Variants in ATF6 observed in about 807,000 individuals in gnomAD.
ATF6 encodes the protein cyclic AMP-dependent transcription factor ATF-6 alpha.
Under a neutral mutation model 83.6 loss-of-function variants are expected in ATF6, and 53 were observed. The observed-to-expected ratio is 0.63, with a 90% CI of 0.51 to 0.80. The LOEUF is 0.80. Ranked by LOEUF, ATF6 falls within the 30% of genes least tolerant of loss-of-function variation. ATF6 has a pLI of 0.00. For missense variants in ATF6, 744 were observed against 797.9 expected, an observed-to-expected ratio of 0.93 and a Z score of 0.81; for synonymous variants, 288 against 285.8, an observed-to-expected ratio of 1.01 and a Z score of -0.08.
chr1:161,898,966 C>A (rs1687730689), intron 14 of ATF6, among the ~76,000 whole-genome samples: 1 of 152,040 alleles, frequency 6.6e-6, no homozygotes, highest in South Asian at 2.1e-4. Context: ...CTAAAGTATT[C>A]TGAATTAAAT....
Position 161,960,366 on chromosome 1 carries a change from CTCT to C in ATF6, c.*1718_*1720del, listed in dbSNP as rs1208274333. On this transcript the variant is annotated 3_prime_UTR_variant, in exon 16 of 16. Coordinates refer to ENST00000367942, the MANE Select transcript of ATF6 (RefSeq NM_007348.4). Reference sequence around the variant, plus strand: ...TGTTCCACACTATAGCAATCAATTTCTCTTCTTCCTTACAAGAAAGGGAACGAG... The same window carrying C: ...TGTTCCACACTATAGCAATCAATTTCTCTTCCTTACAAGAAAGGGAACGAG... 1 of 152,222 alleles carries C rather than the reference CTCT, an allele frequency of 6.6e-6. No homozygotes were observed. The highest frequency in any genetic ancestry group is 1.9e-4 in the East Asian group (1 of 5,196). 9.4% of individuals were successfully genotyped at this position (152,222 alleles called of 1,614,324 possible).
chr1:161,952,165 G>A (rs1479538360), intron 15 of ATF6, among the ~76,000 whole-genome samples: 1 of 152,032 alleles, frequency 6.6e-6, no homozygotes. Context: ...TGGCCCCAGG[G>A]CTCCATCTAT....
At position 161,849,163 on chromosome 1, in the gene ATF6, G is replaced by A. The variant is rs186474230; in HGVS notation, c.1320-2559G>A. 2.4e-3 allele frequency among the ~76,000 whole-genome samples: 364 copies of A among 152,272 alleles called. 3 individuals are homozygous for A. Among genetic ancestry groups the A allele is most frequent in the African/African-American group, 8.4e-3 (348 of 41,558 alleles). ...AGAGGTGTTAAGCAGCCTCCTCTTA[G>A]AGGCATTCAGATTTATCAAACACAA... On this transcript the variant is annotated intron_variant, in intron 10 of 15. Transcript: ENST00000367942.
rs1461967060 is a variant in ATF6 at position 161,807,916 on chromosome 1, G to C, written c.909+5644G>C. Among the ~76,000 whole-genome samples, 6 of 85,970 alleles carry C rather than the reference G, an allele frequency of 7.0e-5. No individual in the cohort carries two copies. The East Asian group carries it at 2.3e-3, about 33-fold the overall frequency. The allele number at this position is 85,970 out of a possible 152,430, so 56.4% of individuals were successfully genotyped here. On this transcript the variant is annotated intron_variant, in intron 7 of 15. Coordinates refer to ENST00000367942, the MANE Select transcript of ATF6 (RefSeq NM_007348.4). Reference sequence around the variant, plus strand: ...TTTTTTTGAGACAAAGTCTTGCTCTGTTGCCCAGGCTGGAGTACAATGGCA... The same window carrying C: ...TTTTTTTGAGACAAAGTCTTGCTCTCTTGCCCAGGCTGGAGTACAATGGCA...
intron 7 of ATF6, among the ~76,000 whole-genome samples, chr1:161,809,647 T>G (rs1685403742): frequency 6.6e-6 from 1 of 152,270 alleles, no homozygotes; most frequent in Non-Finnish European, 1.5e-5. Context: ...TGAACTAGTT[T>G]ACAGTCCTAC....
intron 7 of ATF6, among the ~76,000 whole-genome samples, chr1:161,804,944 G>C (rs1685242506): frequency 6.6e-6 from 1 of 151,662 alleles, no homozygotes; most frequent in Non-Finnish European, 1.5e-5. Context: ...AGACTAATTA[G>C]AAGTTAAAAA....
intron 10 of ATF6, among the ~76,000 whole-genome samples, chr1:161,851,274 A>ACACCC (rs1264016372): frequency 6.9e-6 from 1 of 144,132 alleles, no homozygotes; most frequent in East Asian, 2.0e-4. Flanking sequence ...ACACACACAC[A>ACACCC]CCCCTACCTG....
intron 15 of ATF6, among the ~76,000 whole-genome samples, chr1:161,954,647 C>T (rs1488403124): frequency 6.6e-6 from 1 of 152,186 alleles, no homozygotes. Flanking sequence ...TGTTAACAGG[C>T]TGTTCAAAAT....
At chr1:161,902,625 T>TA (rs1309192016) in intron 14 of ATF6, among the ~76,000 whole-genome samples, 1 of 152,200 alleles carries the variant, frequency 6.6e-6, no homozygotes. Flanking sequence ...AAAAACTAGT[T>TA]AAAAATCTAT....
At chr1:161,953,269 C>G (rs189883952) in intron 15 of ATF6, among the ~76,000 whole-genome samples, 1 of 152,250 alleles carries the variant, frequency 6.6e-6, no homozygotes, top group African/African-American at 2.4e-5. Context: ...AGATATAAGA[C>G]AGTTGTCATA....
intron 10 of ATF6, among the ~76,000 whole-genome samples, chr1:161,850,984 A>G (rs1191846721): frequency 1.3e-5 from 2 of 152,282 alleles, no homozygotes; most frequent in South Asian, 2.1e-4. Flanking sequence ...AGGAAAGTAT[A>G]TATTTTTGAA....
At chr1:161,894,703 T>G in intron 14 of ATF6, among the ~76,000 whole-genome samples, 1 of 61,050 alleles carries the variant, frequency 1.6e-5, no homozygotes, top group East Asian at 5.2e-4. Context: ...GCCGGGCTAA[T>G]TTTTTTTTTT....
At chr1:161,887,970 G>A (rs1687462939) in intron 14 of ATF6, among the ~76,000 whole-genome samples, 1 of 152,146 alleles carries the variant, frequency 6.6e-6, no homozygotes, top group Admixed American at 6.5e-5. Flanking sequence ...GCATGCAAGT[G>A]CATTAAATAA....
Position 161,815,184 on chromosome 1 carries a change from A to ATT in ATF6, c.910-4425_910-4424dup, listed in dbSNP as rs34687938. On this transcript the variant is annotated intron_variant, in intron 7 of 15. Transcript: ENST00000367942. ...TTCTTAGCATAAAAATCCCATTTTA[A>ATT]TTTTTTTTTTTTTTTTTTTTTTTTT... Among the ~76,000 whole-genome samples the ATT allele has an allele frequency of 8.3e-3, 802 of 96,296 alleles. 10 individuals are homozygous for ATT. The East Asian group carries it at 0.092, about 11-fold the overall frequency. 63.2% of individuals were successfully genotyped at this position (96,296 alleles called of 152,430 possible).
At chr1:161,856,416 G>A (rs1253982003) in intron 12 of ATF6, among the ~76,000 whole-genome samples, 2 of 152,148 alleles carry the variant, frequency 1.3e-5, no homozygotes, top group East Asian at 3.9e-4. Flanking sequence ...GTGGAGCCTA[G>A]TACTTCAAAA....
At chr1:161,866,222 C>T (rs1291814180) in intron 14 of ATF6, among the ~76,000 whole-genome samples, 1 of 152,124 alleles carries the variant, frequency 6.6e-6, no homozygotes, top group Non-Finnish European at 1.5e-5. Flanking sequence ...TATGAATGGA[C>T]ATGTATTTAA....
intron 15 of ATF6, among the ~76,000 whole-genome samples, chr1:161,912,737 T>C (rs991401506): frequency 9.9e-5 from 15 of 152,144 alleles, no homozygotes; most frequent in African/African-American, 3.4e-4. Context: ...CTCAAAGCAG[T>C]TTCCTGTGTT....
At chr1:161,790,544 T>C (rs759891828) in intron 4 of ATF6, among the ~76,000 whole-genome samples, 53 of 152,256 alleles carry the variant, frequency 3.5e-4, no homozygotes, top group Non-Finnish European at 5.6e-4. Context: ...GTGGGGTGGT[T>C]CACGCCTGTA....
intron 7 of ATF6, among the ~76,000 whole-genome samples, chr1:161,803,999 C>T (rs1283994401): frequency 4.2e-5 from 5 of 119,914 alleles, no homozygotes; most frequent in Admixed American, 3.7e-4. Context: ...CCCCTCCCCC[C>T]ACCCCACAAC....
Sources: allele counts gnomAD v4.1 joint callset (sites outside exome capture counted in the v4.1 genomes callset), GRCh38; gene constraint gnomAD v4.1.1; transcripts MANE v1.5; gene names NCBI Gene and HGNC (gene_info 2026-07-23, HGNC 2026-07-21).